Variants in DPP10 observed in about 807,000 individuals in gnomAD.
DPP10 encodes the protein dipeptidyl peptidase like 10, also known as inactive dipeptidyl peptidase 10.
A neutral mutation model predicts 120.9 loss-of-function variants in DPP10; 33 were observed. The observed-to-expected ratio is 0.27, with a 90% CI of 0.21 to 0.37. The LOEUF (loss-of-function observed/expected upper bound fraction) is 0.37. Among genes scored for constraint, DPP10 ranks in the 10% least tolerant of loss-of-function variants. The pLI, the probability that DPP10 is intolerant of heterozygous loss-of-function variation, is 1.00. For missense variants in DPP10, 816 were observed against 942.8 expected, an observed-to-expected ratio of 0.87 and a Z score of 1.76; for synonymous variants, 337 against 326.1, an observed-to-expected ratio of 1.03 and a Z score of -0.36.
At chr2:115,340,107 T>C (rs2063370696) in intron 2 of DPP10, among the ~76,000 whole-genome samples, 9 of 152,118 alleles carry the variant, frequency 5.9e-5, no homozygotes, top group Admixed American at 5.9e-4. Flanking sequence ...TTCAATTACC[T>C]GGGAAGCAAA....
chr2:114,942,615 A>T (rs888787019), intron 1 of DPP10, among the ~76,000 whole-genome samples: 1 of 151,392 alleles, frequency 6.6e-6, no homozygotes, highest in Non-Finnish European at 1.5e-5. Flanking sequence ...CTACTCTAAG[A>T]TCTGTTCCTA....
chr2:115,698,004 A>G (rs1161238889), intron 7 of DPP10, among the ~76,000 whole-genome samples: 1 of 152,112 alleles, frequency 6.6e-6, no homozygotes, highest in African/African-American at 2.4e-5. Flanking sequence ...AAACAAATAA[A>G]AAACACAATA....
In DPP10 at chr2:115,844,328, G is replaced by A. The variant is rs1325690113; in HGVS notation, c.*1983G>A. On this transcript the variant is annotated 3_prime_UTR_variant, in exon 26 of 26. Coordinates refer to ENST00000410059, the MANE Select transcript of DPP10 (RefSeq NM_020868.6). Reference sequence around the variant, plus strand: ...GTGGTTTTATTGAATGTCTATTTGAGTATCATTTAAAAAGTATTTGCCTTT... The same window carrying A: ...GTGGTTTTATTGAATGTCTATTTGAATATCATTTAAAAAGTATTTGCCTTT... 1 of 152,406 alleles carries A rather than the reference G, an allele frequency of 6.6e-6. No homozygotes were observed. Among genetic ancestry groups the A allele is most frequent in the Non-Finnish European group, 1.5e-5 (1 of 67,960 alleles). 9.4% of individuals were successfully genotyped at this position (152,406 alleles called of 1,614,324 possible). A position where few individuals can be genotyped will look rare whatever the true frequency, so the allele number is the denominator to read the frequency against.
At position 115,788,016 on chromosome 2, in the gene DPP10, G is replaced by A. The variant is rs185357837; in HGVS notation, c.1532-3065G>A. On this transcript the variant is annotated intron_variant, in intron 17 of 25. Coordinates refer to ENST00000410059, the MANE Select transcript of DPP10 (RefSeq NM_020868.6). The stretch of plus-strand genomic sequence containing the variant: ...AAGATATTTCTCACTTAAAAATGAA[G>A]ACAAAAAGAAAGTTTCAATAATAAA... 2.3e-4 allele frequency among the ~76,000 whole-genome samples: 35 copies of A among 152,096 alleles called. No homozygotes were observed. In the East Asian group the frequency reaches 6.4e-3, roughly 28 times the overall value.
At chr2:114,559,370 C>T (rs927128140) in intron 1 of DPP10, among the ~76,000 whole-genome samples, 7 of 152,130 alleles carry the variant, frequency 4.6e-5, no homozygotes, top group African/African-American at 1.7e-4. Context: ...ATGTGAACAA[C>T]CCCTAGAAGT....
At chr2:114,589,261 G>C (rs1001933184) in intron 1 of DPP10, among the ~76,000 whole-genome samples, 7 of 152,132 alleles carry the variant, frequency 4.6e-5, no homozygotes, top group African/African-American at 1.7e-4. Flanking sequence ...AGTAATTCCT[G>C]GAGGCCCAGC....
chr2:115,612,046 A>T (rs2084140604), intron 5 of DPP10, among the ~76,000 whole-genome samples: 1 of 152,172 alleles, frequency 6.6e-6, no homozygotes, highest in South Asian at 2.1e-4. Flanking sequence ...TATGTGAGAT[A>T]TATTACAATA....
chr2:115,374,373 G>GGGC (rs1479690245), intron 3 of DPP10, among the ~76,000 whole-genome samples: 1 of 152,154 alleles, frequency 6.6e-6, no homozygotes, highest in Non-Finnish European at 1.5e-5. Context: ...CCAACATCTT[G>GGGC]GGCTGCTCTT....
At chr2:115,186,932 A>T (rs1245156875) in intron 1 of DPP10, among the ~76,000 whole-genome samples, 1 of 145,738 alleles carries the variant, frequency 6.9e-6, no homozygotes, top group African/African-American at 2.5e-5. Flanking sequence ...TAGCCAGAGG[A>T]TGTCGACAAA....
chr2:115,645,268 G>A (rs981828321), intron 5 of DPP10, among the ~76,000 whole-genome samples: 2 of 152,118 alleles, frequency 1.3e-5, no homozygotes, highest in Non-Finnish European at 2.9e-5. Flanking sequence ...TTAAAACTTT[G>A]TATCAGTTAC....
At chr2:115,198,674 C>A (rs1573980838) in intron 1 of DPP10, among the ~76,000 whole-genome samples, 1 of 152,244 alleles carries the variant, frequency 6.6e-6, no homozygotes, top group South Asian at 2.1e-4. Flanking sequence ...TTATTCTCTT[C>A]ATTGTTTGTG....
rs1682517274 is a variant in DPP10, at chr2:114,783,613, G to A, written c.60+340775G>A. 2.0e-5 allele frequency among the ~76,000 whole-genome samples: 3 copies of A among 152,206 alleles called. No homozygotes were observed. In the South Asian group the frequency reaches 6.2e-4, roughly 32 times the overall value. ...GCACTTTGACAGGCCAAGAAGGGCA[G>A]ATCATTTGAGCCCAGGAGTTTGAGA... is the stretch of plus-strand genomic sequence containing the variant. On this transcript the variant is annotated intron_variant, in intron 1 of 25. Transcript: ENST00000410059.
At chr2:115,107,367 C>T (rs60483323) in intron 1 of DPP10, among the ~76,000 whole-genome samples, 30,400 of 145,238 alleles carry the variant, frequency 0.21, 3,846 homozygotes, top group East Asian at 0.36. Context: ...ACAAGAAAGC[C>T]GATGGGAAAG....
chr2:114,912,748 A>T (rs1694464857), intron 1 of DPP10, among the ~76,000 whole-genome samples: 1 of 152,192 alleles, frequency 6.6e-6, no homozygotes, highest in Non-Finnish European at 1.5e-5. Context: ...ATAGGCATAG[A>T]GTGGCCCCCT....
chr2:114,846,603 T>A (rs796251132), intron 1 of DPP10, among the ~76,000 whole-genome samples: 16 of 152,074 alleles, frequency 1.1e-4, no homozygotes, highest in African/African-American at 3.6e-4. Context: ...TGTCTTAAGA[T>A]GAGGATTTGA....
intron 7 of DPP10, 40 bp downstream of exon 7, chr2:115,689,961 A>G (rs997772393): frequency 1.3e-6 from 2 of 1,563,084 alleles, no homozygotes; most frequent in Non-Finnish European, 1.7e-6. Context: ...ACTGCCAATC[A>G]TGGTTTTATG....
intron 1 of DPP10, among the ~76,000 whole-genome samples, chr2:114,444,544 T>C (rs918984052): frequency 2.7e-5 from 4 of 147,036 alleles, no homozygotes; most frequent in African/African-American, 9.9e-5. Flanking sequence ...ATTAGTGCTC[T>C]GGCATTGGCT....
rs924617631 is a variant in DPP10, at chr2:114,648,743, A to G, written c.60+205905A>G. Among the ~76,000 whole-genome samples the G allele has an allele frequency of 1.4e-4, 22 of 152,208 alleles. 1 individual carries two copies. Among genetic ancestry groups the G allele is most frequent in the Non-Finnish European group, 5.9e-5 (4 of 68,032 alleles). On this transcript the variant is annotated intron_variant, in intron 1 of 25. Transcript: ENST00000410059. ...GATACTTAAAGTCCAAAACATCTGC[A>G]TCAGGGCTCCAGAGTCAGGTGCACC...
intron 1 of DPP10, among the ~76,000 whole-genome samples, chr2:115,152,237 A>G (rs1277073071): frequency 2.0e-5 from 3 of 152,222 alleles, no homozygotes; most frequent in Non-Finnish European, 4.4e-5. Flanking sequence ...CCATTGTACC[A>G]TGAAGATAGT....
Sources: gnomAD v4.1 joint callset for allele counts (sites outside exome capture counted in the v4.1 genomes callset) on GRCh38, gnomAD v4.1.1 for gene constraint, MANE v1.5 for transcripts, NCBI Gene and HGNC (gene_info 2026-07-23, HGNC 2026-07-21) for gene names.